SH3RF1: variants seen among roughly 807,000 people sequenced by gnomAD.
The protein encoded by SH3RF1 is E3 ubiquitin-protein ligase SH3RF1.
In SH3RF1, 32 loss-of-function variants were observed where a neutral mutation model predicts 74.0. That is an observed-to-expected ratio of 0.43 (90% CI 0.33 to 0.58). The LOEUF is 0.58. Among genes scored for constraint, SH3RF1 ranks in the 20% least tolerant of loss-of-function variants. SH3RF1 has a pLI of 0.05. For missense variants in SH3RF1, 954 were observed against 1,130.9 expected (o/e 0.84, Z 2.24); for synonymous variants, 396 against 439.6 (o/e 0.90, Z 1.24).
rs1029075642 is a variant in SH3RF1 at position 169,150,985 on chromosome 4, G to A, written c.765+4495C>T. Among the ~76,000 whole-genome samples the A allele has an allele frequency of 2.6e-5, 4 of 152,146 alleles. No individual in the cohort carries two copies. The East Asian group carries it at 5.8e-4, about 22-fold the overall frequency. On this transcript the variant is annotated intron_variant, in intron 4 of 11. Transcript: ENST00000284637. ...GGTCTGAAGAATGTAACATCCTGAC[G>A]TAACACCAAGATAAACCAATGATAA...
At chr4:169,266,912 A>G (rs931657839) in intron 2 of SH3RF1, among the ~76,000 whole-genome samples, 9 of 152,238 alleles carry the variant, frequency 5.9e-5, no homozygotes, top group African/African-American at 2.2e-4. Context: ...AGTAACAGAC[A>G]TATTTCCTGT....
At chr4:169,162,063 C>T (rs982838941) in intron 2 of SH3RF1, among the ~76,000 whole-genome samples, 7 of 152,006 alleles carry the variant, frequency 4.6e-5, no homozygotes, top group African/African-American at 1.7e-4. Context: ...ACAGTCCCAA[C>T]TACTTGCGAG....
intron 11 of SH3RF1, among the ~76,000 whole-genome samples, chr4:169,099,515 G>A (rs188545966): frequency 1.3e-5 from 2 of 152,300 alleles, no homozygotes; most frequent in Admixed American, 1.3e-4. Context: ...TGATGTAGTT[G>A]CCATGTGGGG....
chr4:169,268,298 C>T (rs1300825168), intron 2 of SH3RF1, among the ~76,000 whole-genome samples: 2 of 152,150 alleles, frequency 1.3e-5, no homozygotes, highest in African/African-American at 4.8e-5. Context: ...CTACCTGTAG[C>T]CATGATTTGT....
chr4:169,128,613 G>T (rs538941279), intron 6 of SH3RF1, among the ~76,000 whole-genome samples: 21 of 152,196 alleles, frequency 1.4e-4, no homozygotes, highest in African/African-American at 3.4e-4. Flanking sequence ...ATTTATAGAT[G>T]TATCAAGACA....
chr4:169,121,796 C>T (rs1197600627), intron 7 of SH3RF1, among the ~76,000 whole-genome samples: 1 of 152,162 alleles, frequency 6.6e-6, no homozygotes, highest in Non-Finnish European at 1.5e-5. Context: ...GTGAAGAATA[C>T]CTTTCTGTCA....
At chr4:169,169,617 A>G (rs988729675) in intron 2 of SH3RF1, among the ~76,000 whole-genome samples, 2 of 152,178 alleles carry the variant, frequency 1.3e-5, no homozygotes, top group African/African-American at 4.8e-5. Flanking sequence ...AAAAAATAAA[A>G]AAATAAAAAC....
rs760639487 is a variant in SH3RF1, at chr4:169,107,010, C to G, written c.2335G>C (p.Gly779Arg). 6.2e-7 allele frequency: 1 copy of G among 1,613,912 alleles called. No individual in the cohort carries two copies. The highest frequency in any genetic ancestry group is 1.7e-5 in the Admixed American group (1 of 60,024). Residue 779 changes from glycine to arginine, a missense_variant, in exon 11 of 12, where the codon GGA becomes CGA. Transcript: ENST00000284637. ...CCTGCCACTGCAGTCGTGACCGGTC[C>G]GTCCCCGTCCACAGGGCAGGAGCCT... ...RAGSCPVDGD[G>R]PVTTAVAGAA... is the part of the protein sequence containing the mutation.
At chr4:169,222,163 C>T (rs1432092708) in intron 2 of SH3RF1, among the ~76,000 whole-genome samples, 2 of 152,142 alleles carry the variant, frequency 1.3e-5, no homozygotes, top group African/African-American at 4.8e-5. Flanking sequence ...ATAATATGCT[C>T]TTAAATTATA....
chr4:169,222,701 T>A (rs980666116), intron 2 of SH3RF1, among the ~76,000 whole-genome samples: 5 of 152,116 alleles, frequency 3.3e-5, no homozygotes, highest in Admixed American at 2.0e-4. Context: ...GTTTATTGCT[T>A]CCCTTGTTAA....
At chr4:169,236,616 G>A (rs1467706725) in intron 2 of SH3RF1, among the ~76,000 whole-genome samples, 1 of 152,124 alleles carries the variant, frequency 6.6e-6, no homozygotes, top group Non-Finnish European at 1.5e-5. Flanking sequence ...GTTGCTATGA[G>A]AATTAAATAA....
Position 169,094,619 on chromosome 4 carries a change from GA to G in SH3RF1, c.*1899del. 6.6e-6 allele frequency: 1 copy of G among 152,082 alleles called. No individual in the cohort carries two copies. The highest frequency in any genetic ancestry group is 1.5e-5 in the Non-Finnish European group (1 of 67,976). 9.4% of individuals were successfully genotyped at this position (152,082 alleles called of 1,614,324 possible). Reference sequence around the variant, plus strand: ...AAATACACTAATTTCCCAAAATAAAGAATATTATGACACATTGGTGTCAACT... The same window carrying G: ...AAATACACTAATTTCCCAAAATAAAGATATTATGACACATTGGTGTCAACT... On this transcript the variant is annotated 3_prime_UTR_variant, in exon 12 of 12. Transcript: ENST00000284637.
chr4:169,212,057 C>CTTTTTTTTTTTTTTTTTTTTTTTTTT (rs34108534), intron 2 of SH3RF1, among the ~76,000 whole-genome samples: 1 of 48,266 alleles, frequency 2.1e-5, no homozygotes, highest in African/African-American at 9.2e-5. Context: ...CTTTTCTTTT[C>CTTTTTTTTTTTTTTTTTTTTTTTTTT]TTTTTTTTTT....
chr4:169,254,683 T>A (rs921925289), intron 2 of SH3RF1, among the ~76,000 whole-genome samples: 2 of 152,134 alleles, frequency 1.3e-5, no homozygotes, highest in Admixed American at 1.3e-4. Context: ...TAAAGGTACA[T>A]AACATGAGGA....
intron 8 of SH3RF1, among the ~76,000 whole-genome samples, chr4:169,120,372 G>A (rs1366698491): frequency 6.6e-6 from 1 of 152,226 alleles, no homozygotes; most frequent in Non-Finnish European, 1.5e-5. Flanking sequence ...CAAGCTGTAT[G>A]ATATCTCTGT....
intron 2 of SH3RF1, among the ~76,000 whole-genome samples, chr4:169,246,155 T>C (rs1289499608): frequency 2.0e-5 from 3 of 152,236 alleles, no homozygotes; most frequent in Non-Finnish European, 2.9e-5. Context: ...TATATTACTA[T>C]GCAAGGTGTT....
rs2127011918 is a variant in SH3RF1, at chr4:169,239,497, T to G, written c.393+29323A>C. On this transcript the variant is annotated intron_variant, in intron 2 of 11. Transcript: ENST00000284637. ...TATTCAGTCCATATGTATGTATGTT[T>G]TTATTAAAATAACTGTTCAAAGTTA... 2.6e-5 allele frequency among the ~76,000 whole-genome samples: 4 copies of G among 152,342 alleles called. No individual in the cohort carries two copies. In the Middle Eastern group the frequency reaches 0.014, roughly 518 times the overall value.
intron 2 of SH3RF1, among the ~76,000 whole-genome samples, chr4:169,191,237 T>C (rs1734701711): frequency 2.0e-5 from 3 of 146,950 alleles, no homozygotes; most frequent in African/African-American, 7.5e-5. Context: ...AGCTCTTCTA[T>C]ATACCAACAG....
intron 2 of SH3RF1, among the ~76,000 whole-genome samples, chr4:169,177,187 G>A (rs1041234676): frequency 6.6e-6 from 1 of 152,186 alleles, no homozygotes; most frequent in African/African-American, 2.4e-5. Flanking sequence ...GCAAATAAGG[G>A]ATGGTATGGC....
Sources: allele counts gnomAD v4.1 joint callset (sites outside exome capture counted in the v4.1 genomes callset), GRCh38; gene constraint gnomAD v4.1.1; transcripts MANE v1.5; gene names NCBI Gene and HGNC (gene_info 2026-07-23, HGNC 2026-07-21).